NRP2: variants seen among roughly 807,000 people sequenced by gnomAD.
The protein encoded by NRP2 is neuropilin-2.
NRP2 carries 52 observed loss-of-function variants against 110.4 expected under a neutral mutation model. The observed-to-expected ratio is 0.47, with a 90% CI of 0.38 to 0.59. The LOEUF (loss-of-function observed/expected upper bound fraction) is 0.59, where lower values mean the gene tolerates loss of function less well. Ranked by LOEUF, NRP2 falls within the 20% of genes least tolerant of loss-of-function variation. The pLI, the probability that NRP2 is intolerant of heterozygous loss-of-function variation, is 0.00. For missense variants in NRP2, 1,049 were observed against 1,203.0 expected (o/e 0.87, Z 1.89); for synonymous variants, 508 against 468.9 (o/e 1.08, Z -1.08).
intron 2 of NRP2, among the ~76,000 whole-genome samples, chr2:205,708,980 G>A (rs561437122): frequency 1.3e-5 from 2 of 152,208 alleles, no homozygotes; most frequent in African/African-American, 2.4e-5. Context: ...AATAACAGCA[G>A]CAGTAACAAC....
intron 1 of NRP2, among the ~76,000 whole-genome samples, chr2:205,695,666 G>A (rs535715554): frequency 6.6e-6 from 1 of 152,210 alleles, no homozygotes; most frequent in Non-Finnish European, 1.5e-5. Flanking sequence ...TCTGGCAGAG[G>A]AGCTGGACCC....
intron 2 of NRP2, among the ~76,000 whole-genome samples, chr2:205,713,745 C>G (rs1173473110): frequency 6.6e-6 from 1 of 152,110 alleles, no homozygotes; most frequent in African/African-American, 2.4e-5. Flanking sequence ...ATGGATTCAC[C>G]CTCCCTCTAC....
Position 205,797,088 on chromosome 2 carries a change from G to A in NRP2, c.*2030G>A, listed in dbSNP as rs2105982706. On this transcript the variant is annotated 3_prime_UTR_variant, in exon 17 of 17. Transcript: ENST00000357785. ...ATCTACTGTGTATGTGAATGGTCAT[G>A]TGGGACTCAGTGGTGGTGTTGTGAC... 1 of 152,824 alleles carries A rather than the reference G, an allele frequency of 6.5e-6. No homozygotes were observed. Among genetic ancestry groups the A allele is most frequent in the African/African-American group, 2.4e-5 (1 of 41,550 alleles). 9.5% of individuals were successfully genotyped at this position (152,824 alleles called of 1,614,324 possible).
At chr2:205,716,542 A>C (rs969270872) in intron 3 of NRP2, among the ~76,000 whole-genome samples, 168 bp downstream of exon 3, 7 of 118,758 alleles carry the variant, frequency 5.9e-5, no homozygotes, top group African/African-American at 2.3e-4. Context: ...GAGCCAGCTC[A>C]GATTATCCAC....
At chr2:205,754,719 AAAG>A (rs1436935670) in intron 12 of NRP2, among the ~76,000 whole-genome samples, 7 of 152,272 alleles carry the variant, frequency 4.6e-5, no homozygotes, top group African/African-American at 1.7e-4. Context: ...ATCTGAATGT[AAAG>A]AAGGTTTGTG....
rs1218808991 is a variant in NRP2 at position 205,723,821 on chromosome 2, C to T, written c.701C>T (p.Thr234Ile). 2 of 1,614,088 alleles carry T rather than the reference C, an allele frequency of 1.2e-6. No homozygotes were observed. Among genetic ancestry groups the T allele is most frequent in the African/African-American group, 1.3e-5 (1 of 74,932 alleles). Reference protein sequence around the residue: ...PLIGKYCGTKTPSELRSSTGI... With the variant: ...PLIGKYCGTKIPSELRSSTGI... ...ATTGGCAAGTACTGTGGGACCAAAA[C>T]ACCCTCTGAACTTCGTTCATCGACG... is the stretch of plus-strand genomic sequence containing the variant. The change falls in exon 5 of 17, where the codon ACA (threonine) becomes ATA (isoleucine). Residue 234 changes from threonine (T) to isoleucine (I), a missense_variant. Coordinates refer to ENST00000357785, the MANE Select transcript of NRP2 (RefSeq NM_003872.3).
intron 14 of NRP2, 83 bp from the exon 15 acceptor site, chr2:205,766,700 A>G (rs571792686): frequency 2.4e-6 from 3 of 1,242,240 alleles, no homozygotes; most frequent in East Asian, 2.3e-5. Context: ...GTTTATCATC[A>G]TATTCATCCA....
intron 1 of NRP2, among the ~76,000 whole-genome samples, chr2:205,696,250 A>G (rs2056423606): frequency 6.6e-6 from 1 of 152,178 alleles, no homozygotes; most frequent in Non-Finnish European, 1.5e-5. Context: ...CATGGGGAAT[A>G]GTAAAGTGCA....
intron 7 of NRP2, among the ~76,000 whole-genome samples, chr2:205,737,539 C>G (rs2057366970): frequency 6.6e-6 from 1 of 152,152 alleles, no homozygotes; most frequent in African/African-American, 2.4e-5. Flanking sequence ...GTTTTTCCCA[C>G]TATACCACAC....
chr2:205,722,679 G>A lies in NRP2; in HGVS notation c.635G>A (p.Trp212Ter). 6.2e-7 allele frequency: 1 copy of A among 1,614,192 alleles called. No homozygotes were observed. Among genetic ancestry groups the A allele is most frequent in the Non-Finnish European group, 8.5e-7 (1 of 1,180,034 alleles). ...GGAGAGGGGGACTGCAAGTACGATT[G>A]GCTGGACATCTGGGATGGCATTCCA... ...QVGEGDCKYD[W>*]LDIWDGIPHV... The change falls in exon 4 of 17, where the codon TGG (tryptophan) becomes TAG (stop). Residue 212 changes from tryptophan (W) to a stop codon, truncating the protein, a stop_gained. Transcript: ENST00000357785. LOFTEE classifies it high-confidence loss of function.
chr2:205,792,843 G>A (rs1025402376), intron 16 of NRP2, among the ~76,000 whole-genome samples: 1 of 152,074 alleles, frequency 6.6e-6, no homozygotes, highest in African/African-American at 2.4e-5. Flanking sequence ...ACTTCAAGAG[G>A]CTAGAGGGCT....
intron 7 of NRP2, among the ~76,000 whole-genome samples, chr2:205,736,708 G>T (rs1453119117): frequency 6.6e-6 from 1 of 152,168 alleles, no homozygotes; most frequent in African/African-American, 2.4e-5. Context: ...AGAAACCAAG[G>T]TATCTAAGGT....
intron 15 of NRP2, among the ~76,000 whole-genome samples, chr2:205,773,001 G>T (rs550176667): frequency 4.6e-5 from 7 of 152,208 alleles, no homozygotes; most frequent in African/African-American, 1.7e-4. Flanking sequence ...TATGCCATCC[G>T]TCCATTTATC....
At chr2:205,747,994 G>A (rs1428690382) in intron 10 of NRP2, among the ~76,000 whole-genome samples, 1 of 152,040 alleles carries the variant, frequency 6.6e-6, no homozygotes, top group Non-Finnish European at 1.5e-5. Context: ...TTCAGGGGTA[G>A]CGTTGCTGTT....
At chr2:205,704,494 G>A (rs377389096) in intron 2 of NRP2, among the ~76,000 whole-genome samples, 7 of 152,298 alleles carry the variant, frequency 4.6e-5, no homozygotes, top group African/African-American at 1.4e-4. Context: ...CCTAATGACA[G>A]AAACAGATCC....
chr2:205,696,091 T>A (rs1250212450), intron 1 of NRP2, among the ~76,000 whole-genome samples: 1 of 152,206 alleles, frequency 6.6e-6, no homozygotes, highest in Non-Finnish European at 1.5e-5. Context: ...CGGCACAGTT[T>A]GAGCTCGTGG....
At position 205,759,398 on chromosome 2, in the gene NRP2, A is replaced by C. The variant is rs535092148; in HGVS notation, c.2045-4276A>C. On this transcript the variant is annotated intron_variant, in intron 12 of 16. Transcript: ENST00000357785. ...AGGGTTGTAACCTAGAAAACACACT[A>C]CAGACGTGGCCTATGGAAACTCCTT... The C allele has an allele frequency of 5.3e-5, 8 of 152,342 alleles. No homozygotes were observed. The South Asian group carries it at 1.0e-3, about 20-fold the overall frequency. The allele number at this position is 152,342 out of a possible 1,614,324, so 9.4% of individuals were successfully genotyped here.
intron 2 of NRP2, among the ~76,000 whole-genome samples, chr2:205,704,603 A>G (rs2056635369): frequency 1.3e-5 from 2 of 152,186 alleles, no homozygotes; most frequent in African/African-American, 2.4e-5. Context: ...CACCTCACCC[A>G]TGGATCAGGG....
At chr2:205,775,939 TC>T (rs1229825529) in intron 15 of NRP2, among the ~76,000 whole-genome samples, 1 of 152,186 alleles carries the variant, frequency 6.6e-6, no homozygotes, top group Admixed American at 6.5e-5. Flanking sequence ...ATTCTACCAT[TC>T]TTGGTTGAAT....
Sources: gnomAD v4.1 joint callset for allele counts (sites outside exome capture counted in the v4.1 genomes callset) on GRCh38, gnomAD v4.1.1 for gene constraint, MANE v1.5 for transcripts, NCBI Gene and HGNC (gene_info 2026-07-23, HGNC 2026-07-21) for gene names.